Variants in YWHAB observed in about 807,000 individuals in gnomAD.
YWHAB encodes the protein tyrosine 3-monooxygenase/tryptophan 5-monooxygenase activation protein beta, also known as 14-3-3 protein beta/alpha.
A neutral mutation model predicts 28.5 loss-of-function variants in YWHAB; 2 were observed. The ratio of observed to expected loss-of-function variants is 0.07; its 90% CI spans 0.03 to 0.22. The LOEUF is 0.22. YWHAB is among the 10% of genes least tolerant of loss of function. YWHAB has a pLI of 1.00. For synonymous variants in YWHAB, 103 were observed against 104.7 expected (o/e 0.98, Z 0.10); for missense variants, 148 against 297.1 (o/e 0.50, Z 3.69).
intron 5 of YWHAB, 37 bp from the exon 6 acceptor site, chr20:44,906,345 G>A: frequency 6.2e-7 from 1 of 1,610,544 alleles, no homozygotes; most frequent in Non-Finnish European, 8.5e-7. Flanking sequence ...GGAACTTTTA[G>A]TAGCCCTGCT....
At chr20:44,888,465 C>T (rs146205579) in intron 1 of YWHAB, among the ~76,000 whole-genome samples, 5 of 152,258 alleles carry the variant, frequency 3.3e-5, no homozygotes, top group African/African-American at 7.2e-5. Flanking sequence ...TCACACACAG[C>T]GCAAGGTAAG....
chr20:44,906,504 TAAAAA>T lies in YWHAB; in HGVS notation c.*85_*89del, dbSNP rs775632748. 4.5e-3 allele frequency: 1,592 copies of T among 356,834 alleles called. No homozygotes were observed. Among genetic ancestry groups the T allele is most frequent in the Admixed American group, 0.02 (257 of 12,656 alleles). The allele number at this position is 356,834 out of a possible 1,614,324, so 22.1% of individuals were successfully genotyped here. A position where few individuals can be genotyped will look rare whatever the true frequency, so the allele number is the denominator to read the frequency against. On this transcript the variant is annotated 3_prime_UTR_variant, in exon 6 of 6. Coordinates refer to ENST00000353703, the MANE Select transcript of YWHAB (RefSeq NM_139323.4). The stretch of plus-strand genomic sequence containing the variant: ...CCCTCAACATATATCCCTTGTGCGA[TAAAAA>T]AAAAAAAAAAAAAAAAAAGAGAATC...
rs1038357010 is a variant in YWHAB, at chr20:44,904,223, A to G, written c.424+107A>G. ...TGTTCGCCATAGACACCAATGTCAC[A>G]GTACTAAGAATTTAAAAGACCACAG... On this transcript the variant is annotated intron_variant, in intron 3 of 5. Coordinates refer to ENST00000353703, the MANE Select transcript of YWHAB (RefSeq NM_139323.4). 1.3e-5 allele frequency: 18 copies of G among 1,395,178 alleles called. No homozygotes were observed. The African/African-American group carries it at 2.2e-4, about 17-fold the overall frequency. 86.4% of individuals were successfully genotyped at this position (1,395,178 alleles called of 1,614,324 possible).
intron 1 of YWHAB, among the ~76,000 whole-genome samples, chr20:44,899,500 CA>C (rs1310332583): frequency 6.6e-6 from 1 of 151,960 alleles, no homozygotes; most frequent in Non-Finnish European, 1.5e-5. Flanking sequence ...ACAAAGCACA[CA>C]AAAAAACCTG....
At chr20:44,896,038 T>G (rs1392423103) in intron 1 of YWHAB, among the ~76,000 whole-genome samples, 1 of 152,214 alleles carries the variant, frequency 6.6e-6, no homozygotes, top group Non-Finnish European at 1.5e-5. Context: ...TAGGAGACAC[T>G]ATGTAAGTAA....
chr20:44,887,926 C>T (rs562964309), intron 1 of YWHAB, among the ~76,000 whole-genome samples: 8 of 152,188 alleles, frequency 5.3e-5, no homozygotes, highest in Admixed American at 5.2e-4. Context: ...ATGGCTTTTT[C>T]TCTCCAGTTA....
In YWHAB at chr20:44,905,144, C is replaced by T. The variant is rs748477116; in HGVS notation, c.588+13C>T. The T allele has an allele frequency of 2.8e-5, 44 of 1,598,682 alleles. No homozygotes were observed. The highest frequency in any genetic ancestry group is 6.7e-5 in the East Asian group (3 of 44,678). ...CCTGGCAAAAACGGTGAGAAAGACC[C>T]TTTGTGATATCTAACCATAGCAAAA... is the stretch of plus-strand genomic sequence containing the variant. On this transcript the variant is annotated intron_variant, in intron 4 of 5. Transcript: ENST00000353703.
chr20:44,900,230 T>C (rs1350789054), intron 1 of YWHAB, among the ~76,000 whole-genome samples: 2 of 152,152 alleles, frequency 1.3e-5, no homozygotes, highest in Non-Finnish European at 2.9e-5. Context: ...TCTTCTTTTG[T>C]AGAGATGAAG....
chr20:44,903,819 G>A lies in YWHAB; in HGVS notation c.301-174G>A, dbSNP rs550359386. ...AAGTGATTTTTAACAGAAGAATACAGGCATCTGCTGTTATGACCTGGGCTA... is the reference window on the plus strand; with the variant it reads ...AAGTGATTTTTAACAGAAGAATACAAGCATCTGCTGTTATGACCTGGGCTA... On this transcript the variant is annotated intron_variant, in intron 2 of 5. Coordinates refer to ENST00000353703, the MANE Select transcript of YWHAB (RefSeq NM_139323.4). 52 of 605,368 alleles carry A rather than the reference G, an allele frequency of 8.6e-5. No homozygotes were observed. The African/African-American group carries it at 8.9e-4, about 10-fold the overall frequency. The allele number at this position is 605,368 out of a possible 1,614,324, so 37.5% of individuals were successfully genotyped here.
chr20:44,893,111 C>CT (rs1456107106), intron 1 of YWHAB, among the ~76,000 whole-genome samples: 1 of 151,850 alleles, frequency 6.6e-6, no homozygotes, highest in Non-Finnish European at 1.5e-5. Context: ...TTTTTCTTTT[C>CT]TTTCTTTCTT....
chr20:44,897,032 A>G (rs2066600058), intron 1 of YWHAB, among the ~76,000 whole-genome samples: 4 of 152,242 alleles, frequency 2.6e-5, no homozygotes, highest in Admixed American at 2.6e-4. Flanking sequence ...GAAATCTTGC[A>G]GTAATCTCGG....
chr20:44,904,147 C>T (rs757541635), intron 3 of YWHAB, 31 bp downstream of exon 3: 2 of 1,610,022 alleles, frequency 1.2e-6, no homozygotes, highest in Non-Finnish European at 8.5e-7. Context: ...GAAATTCGAC[C>T]AGTAATGGAG....
In YWHAB at chr20:44,904,085, T is replaced by G; in HGVS notation, c.393T>G (p.Leu131=). 6.2e-7 allele frequency: 1 copy of G among 1,611,784 alleles called. No individual in the cohort carries two copies. The highest frequency in any genetic ancestry group is 8.5e-7 in the Non-Finnish European group (1 of 1,179,366). The change falls in exon 3 of 6, where the codon CTT becomes CTG. Residue 131 remains leucine, a synonymous_variant. Transcript: ENST00000353703. ...TGAAAGGAGATTATTTTAGGTATCT[T>G]TCTGAAGTGGCATCTGGAGACAACA... ...LKMKGDYFRY[L]SEVASGDNKQ...
At position 44,902,157 on chromosome 20, in the gene YWHAB, T is replaced by C. The variant is rs949432053; in HGVS notation, c.300+324T>C. 14 of 218,662 alleles carry C rather than the reference T, an allele frequency of 6.4e-5. No individual in the cohort carries two copies. The East Asian group carries it at 1.4e-3, about 22-fold the overall frequency. 13.5% of individuals were successfully genotyped at this position (218,662 alleles called of 1,614,324 possible). On this transcript the variant is annotated intron_variant, in intron 2 of 5. Coordinates refer to ENST00000353703, the MANE Select transcript of YWHAB (RefSeq NM_139323.4). ...TTAATAGATACAGCTACAGATAGGCTATTGTGTATATTAGTCAGAGTAGTG... is the reference window on the plus strand; with the variant it reads ...TTAATAGATACAGCTACAGATAGGCCATTGTGTATATTAGTCAGAGTAGTG...
chr20:44,896,317 T>A (rs2066595708), intron 1 of YWHAB, among the ~76,000 whole-genome samples: 1 of 152,180 alleles, frequency 6.6e-6, no homozygotes, highest in African/African-American at 2.4e-5. Context: ...TGGCTATGGC[T>A]TAAACAGCTT....
intron 1 of YWHAB, chr20:44,887,429 A>T (rs186114533): frequency 6.6e-6 from 1 of 152,142 alleles, no homozygotes; most frequent in African/African-American, 2.4e-5. Context: ...TAGACTATAC[A>T]CCTAGTTTTT....
intron 1 of YWHAB, among the ~76,000 whole-genome samples, chr20:44,888,763 A>T (rs915750377): frequency 2.0e-5 from 3 of 152,176 alleles, no homozygotes; most frequent in African/African-American, 7.2e-5. Flanking sequence ...CAGTTTTTCT[A>T]GTACTTGCTT....
chr20:44,898,997 TC>T (rs1264493920), intron 1 of YWHAB, among the ~76,000 whole-genome samples: 1 of 151,826 alleles, frequency 6.6e-6, no homozygotes, highest in Non-Finnish European at 1.5e-5. Flanking sequence ...ATGCCAGCAG[TC>T]CCAGCTACTC....
chr20:44,890,002 C>T (rs2066551104), intron 1 of YWHAB, among the ~76,000 whole-genome samples: 1 of 152,142 alleles, frequency 6.6e-6, no homozygotes, highest in Admixed American at 6.5e-5. Flanking sequence ...TAAAACGGGA[C>T]AATGTCACCT....
Sources: gnomAD v4.1 joint callset for allele counts (sites outside exome capture counted in the v4.1 genomes callset) on GRCh38, gnomAD v4.1.1 for gene constraint, MANE v1.5 for transcripts, NCBI Gene and HGNC (gene_info 2026-07-23, HGNC 2026-07-21) for gene names.